Variants in VAV2 observed in about 807,000 individuals in gnomAD.
VAV2 encodes the protein vav guanine nucleotide exchange factor 2.
Under a neutral mutation model 132.5 loss-of-function variants are expected in VAV2, and 67 were observed. The observed-to-expected ratio is 0.51, with a 90% confidence interval of 0.42 to 0.62. VAV2 has a LOEUF of 0.62. Among genes scored for constraint, VAV2 ranks in the 20% least tolerant of loss-of-function variants. The pLI is 0.00. For missense variants in VAV2, 938 were observed against 1,153.6 expected (o/e 0.81, Z 2.71); for synonymous variants, 492 against 443.5 (o/e 1.11, Z -1.37).
chr9:133,789,414 C>T (rs544131308), intron 13 of VAV2, 71 bp from the exon 14 acceptor site: 17 of 1,489,208 alleles, frequency 1.1e-5, no homozygotes, highest in Non-Finnish European at 1.4e-5. Context: ...ACGGGCAGGG[C>T]AGACTGTCGT....
chr9:133,955,623 T>C (rs908289710), intron 1 of VAV2, among the ~76,000 whole-genome samples: 2 of 10,440 alleles, frequency 1.9e-4, no homozygotes, highest in Non-Finnish European at 1.7e-4. Flanking sequence ...TCCTCCCCCC[T>C]CCCCACCACG....
At chr9:133,974,461 T>C (rs1842441502) in intron 1 of VAV2, among the ~76,000 whole-genome samples, 2 of 152,086 alleles carry the variant, frequency 1.3e-5, no homozygotes, top group Non-Finnish European at 2.9e-5. Context: ...AGCAGTGGTC[T>C]CCGTTTGCTA....
rs73662351 is a variant in VAV2, at chr9:133,960,451, C to T, written c.205-21232G>A. Among the ~76,000 whole-genome samples, 1,214 of 152,308 alleles carry T rather than the reference C, an allele frequency of 8.0e-3. 16 individuals are homozygous for T. Among genetic ancestry groups the T allele is most frequent in the African/African-American group, 0.028 (1,158 of 41,568 alleles). The stretch of plus-strand genomic sequence containing the variant: ...CTCCCTGCAGGCTGACCCTGAGTGC[C>T]GGCCACGGGAGCCTCTGACTCCCAC... On this transcript the variant is annotated intron_variant, in intron 1 of 29. Transcript: ENST00000371850.
chr9:133,961,592 C>A lies in VAV2; in HGVS notation c.205-22373G>T, dbSNP rs569552475. On this transcript the variant is annotated intron_variant, in intron 1 of 29. Coordinates refer to ENST00000371850, the MANE Select transcript of VAV2 (RefSeq NM_001134398.2). The surrounding 1 kb of genome is among the most constrained non-coding windows in gnomAD (Gnocchi z 4.1). ...GGGTCTATAATGCCCTCTGACCTCA[C>A]AAAGACCCACGGGGCTGGTTTGGGA... is the stretch of plus-strand genomic sequence containing the variant. 1.2e-4 allele frequency among the ~76,000 whole-genome samples: 18 copies of A among 152,330 alleles called. No individual in the cohort carries two copies. Among genetic ancestry groups the A allele is most frequent in the Admixed American group, 7.8e-4 (12 of 15,304 alleles).
At position 133,788,130 on chromosome 9, in the gene VAV2, C is replaced by T. The variant is rs557744287; in HGVS notation, c.1407+224G>A. On this transcript the variant is annotated intron_variant, in intron 15 of 29. Transcript: ENST00000371850. The surrounding 1 kb of genome is among the most constrained non-coding windows in gnomAD (Gnocchi z 5.3). Reference sequence around the variant, plus strand: ...TGGTCTTGCCCACCTTTCTGGGGGGCGCTGGGCCCGGCGAGGAGCAGGCCT... The same window carrying T: ...TGGTCTTGCCCACCTTTCTGGGGGGTGCTGGGCCCGGCGAGGAGCAGGCCT... Among the ~76,000 whole-genome samples the T allele has an allele frequency of 7.2e-4, 109 of 152,302 alleles. No individual in the cohort carries two copies. The highest frequency in any genetic ancestry group is 1.2e-3 in the Non-Finnish European group (85 of 68,018).
chr9:133,868,182 C>T (rs1331496295), intron 2 of VAV2, among the ~76,000 whole-genome samples: 5 of 152,240 alleles, frequency 3.3e-5, no homozygotes, highest in East Asian at 1.9e-4. Flanking sequence ...TCTGAAGTAA[C>T]GGTTGGGTCC....
At chr9:133,958,958 G>A (rs1588172811) in intron 1 of VAV2, among the ~76,000 whole-genome samples, 1 of 152,190 alleles carries the variant, frequency 6.6e-6, no homozygotes, top group East Asian at 1.9e-4. Flanking sequence ...CCCCGCCCCA[G>A]GTGTTATTTT....
Position 133,825,243 on chromosome 9 carries a change from C to A in VAV2, c.449+9029G>T, listed in dbSNP as rs1564382110. 2.0e-5 allele frequency among the ~76,000 whole-genome samples: 3 copies of A among 152,216 alleles called. No homozygotes were observed. In the East Asian group the frequency reaches 5.8e-4, roughly 30 times the overall value. On this transcript the variant is annotated intron_variant, in intron 4 of 29. Transcript: ENST00000371850. ...GCCTTTCTGTCCCGGCCATCACCCG[C>A]CTTAAGAAACGCCCCGTCTTCCGTC... is the stretch of plus-strand genomic sequence containing the variant.
chr9:133,781,433 C>G (rs1169572428), intron 19 of VAV2, among the ~76,000 whole-genome samples: 1 of 152,206 alleles, frequency 6.6e-6, no homozygotes, highest in East Asian at 1.9e-4. Context: ...TCTGGGCAGA[C>G]AGAGGTATCC....
intron 2 of VAV2, among the ~76,000 whole-genome samples, chr9:133,900,174 G>T (rs1460358057): frequency 6.6e-6 from 1 of 151,964 alleles, no homozygotes; most frequent in Non-Finnish European, 1.5e-5. Flanking sequence ...ACTCCAGCCT[G>T]GGTGACAGAG....
intron 1 of VAV2, among the ~76,000 whole-genome samples, chr9:133,971,894 C>G (rs1842347139): frequency 6.6e-6 from 1 of 152,154 alleles, no homozygotes; most frequent in South Asian, 2.1e-4. Flanking sequence ...GCAAAAAAGG[C>G]CCCTGGGGCT....
chr9:133,820,313 GTTTCTT>G lies in VAV2; in HGVS notation c.450-8103_450-8098del, dbSNP rs1294219551. Among the ~76,000 whole-genome samples, 18 of 149,964 alleles carry G rather than the reference GTTTCTT, an allele frequency of 1.2e-4. No individual in the cohort carries two copies. The East Asian group carries it at 2.1e-3, about 18-fold the overall frequency. On this transcript the variant is annotated intron_variant, in intron 4 of 29. Coordinates refer to ENST00000371850, the MANE Select transcript of VAV2 (RefSeq NM_001134398.2). The stretch of plus-strand genomic sequence containing the variant: ...GCAAAGATGCCATCTCCATAAACAA[GTTTCTT>G]TTTCTTTTTCTTTTTTTTTTTTTTG...
Position 133,979,361 on chromosome 9 carries a change from CTGTG to C in VAV2, c.204+12710_204+12713del, listed in dbSNP as rs548802127. Among the ~76,000 whole-genome samples the C allele has an allele frequency of 2.2e-4, 33 of 152,294 alleles. No individual in the cohort carries two copies. In the South Asian group the frequency reaches 6.6e-3, roughly 31 times the overall value. On this transcript the variant is annotated intron_variant, in intron 1 of 29. Transcript: ENST00000371850. ...GAACGCGGCTGTCAGAGGCTCAACG[CTGTG>C]TGTGCGGTCTCCACCCTAGGAATGT... is the stretch of plus-strand genomic sequence containing the variant.
chr9:133,958,628 G>C, intron 1 of VAV2, among the ~76,000 whole-genome samples: 1 of 151,032 alleles, frequency 6.6e-6, no homozygotes, highest in East Asian at 1.9e-4. Context: ...CTGGTTCCCC[G>C]GGCCCCCTTA....
chr9:133,792,454 GGTGTGTGTGATT>G (rs139777900), intron 12 of VAV2, among the ~76,000 whole-genome samples: 73,516 of 147,436 alleles, frequency 0.5, 18,349 homozygotes, highest in South Asian at 0.55. Flanking sequence ...TACTGGGTAG[GGTGTGTGTGATT>G]GTGTGTGTGA....
At chr9:133,819,759 T>G (rs1835713055) in intron 4 of VAV2, among the ~76,000 whole-genome samples, 2 of 152,144 alleles carry the variant, frequency 1.3e-5, no homozygotes, top group African/African-American at 4.8e-5. Context: ...TGGATTCTGG[T>G]CAATGAACAC....
chr9:133,970,721 G>A (rs1311707523), intron 1 of VAV2, among the ~76,000 whole-genome samples: 1 of 152,124 alleles, frequency 6.6e-6, no homozygotes, highest in Non-Finnish European at 1.5e-5. Flanking sequence ...GCAGCAGAAA[G>A]CCTCGGGCCT....
At chr9:133,898,521 A>C (rs924832103) in intron 2 of VAV2, among the ~76,000 whole-genome samples, 2 of 151,992 alleles carry the variant, frequency 1.3e-5, no homozygotes, top group Admixed American at 1.3e-4. Flanking sequence ...TTGAACCCAG[A>C]AGGCAGAGAT....
At chr9:133,948,314 G>A (rs935633434) in intron 1 of VAV2, among the ~76,000 whole-genome samples, 1 of 152,256 alleles carries the variant, frequency 6.6e-6, no homozygotes, top group African/African-American at 2.4e-5. Flanking sequence ...CCAGCAGGCT[G>A]AGTAATGAAC....
Sources: allele counts gnomAD v4.1 joint callset (sites outside exome capture counted in the v4.1 genomes callset), GRCh38; gene constraint gnomAD v4.1.1; non-coding constraint Gnocchi (gnomAD v3.1); transcripts MANE v1.5; gene names NCBI Gene and HGNC (gene_info 2026-07-23, HGNC 2026-07-21).